SYT1: variants seen among roughly 807,000 people sequenced by gnomAD.
The protein encoded by SYT1 is synaptotagmin-1.
In SYT1, 8 loss-of-function variants were observed where a neutral mutation model predicts 44.8. The observed-to-expected ratio is 0.18, with a 90% confidence interval of 0.10 to 0.32. The LOEUF (loss-of-function observed/expected upper bound fraction) is 0.32, where lower values mean the gene tolerates loss of function less well. Ranked by LOEUF, SYT1 falls within the 10% of genes least tolerant of loss-of-function variation. SYT1 has a pLI of 1.00. For missense variants in SYT1, 286 were observed against 509.3 expected, an observed-to-expected ratio of 0.56 and a Z score of 4.22; for synonymous variants, 154 against 188.8, an observed-to-expected ratio of 0.82 and a Z score of 1.51.
At chr12:79,324,453 A>T (rs1445753320) in intron 8 of SYT1, among the ~76,000 whole-genome samples, 1 of 152,008 alleles carries the variant, frequency 6.6e-6, no homozygotes, top group Non-Finnish European at 1.5e-5. Context: ...TCTCCTCTTA[A>T]CACCTCTGCC....
At chr12:78,950,822 T>G (rs1878927669) in intron 1 of SYT1, among the ~76,000 whole-genome samples, 1 of 152,084 alleles carries the variant, frequency 6.6e-6, no homozygotes, top group African/African-American at 2.4e-5. Context: ...ATTGTGCTGT[T>G]CTGATTTTCA....
At chr12:79,101,727 C>CA (rs140863091) in intron 3 of SYT1, among the ~76,000 whole-genome samples, 17,033 of 151,926 alleles carry the variant, frequency 0.11, 1,024 homozygotes, top group African/African-American at 0.13. Flanking sequence ...GGCAACATGG[C>CA]AAAACCCCAT....
chr12:79,351,239 G>T (rs1261375414), intron 8 of SYT1, among the ~76,000 whole-genome samples: 4 of 152,038 alleles, frequency 2.6e-5, no homozygotes, highest in Non-Finnish European at 5.9e-5. Flanking sequence ...TTTTCAAACT[G>T]TACAAATACT....
chr12:79,380,060 C>A (rs979614130), intron 9 of SYT1, among the ~76,000 whole-genome samples: 2 of 152,062 alleles, frequency 1.3e-5, no homozygotes, highest in African/African-American at 2.4e-5. Context: ...TTTTTAGAAA[C>A]CTTCTTTTAG....
At position 79,204,238 on chromosome 12, in the gene SYT1, T is replaced by A. The variant is rs146859144; in HGVS notation, c.-17-13265T>A. Among the ~76,000 whole-genome samples, 246 of 152,368 alleles carry A rather than the reference T, an allele frequency of 1.6e-3. 3 individuals carry two copies. The highest frequency in any genetic ancestry group is 5.5e-3 in the African/African-American group (230 of 41,596). The stretch of plus-strand genomic sequence containing the variant: ...AGTATAGCTTAATAAATGTTAGATA[T>A]TTTTATTTATTGATATATTATTTCT... On this transcript the variant is annotated intron_variant, in intron 3 of 10. Coordinates refer to ENST00000261205, the MANE Select transcript of SYT1 (RefSeq NM_005639.3).
At chr12:78,931,237 AAGAAGGAAGGAAGGAAG>A (rs1565723471) in intron 1 of SYT1, among the ~76,000 whole-genome samples, 1 of 58,252 alleles carries the variant, frequency 1.7e-5, no homozygotes, top group African/African-American at 1.1e-4. Flanking sequence ...GAAAGAAAGA[AAGAAGGAAGGAAGGAAG>A]GAAGGAAGGA....
At chr12:79,031,535 T>C (rs1046228919) in intron 2 of SYT1, among the ~76,000 whole-genome samples, 5 of 151,140 alleles carry the variant, frequency 3.3e-5, no homozygotes, top group African/African-American at 1.2e-4. Flanking sequence ...GGCTTGAATA[T>C]CCCTAAATCA....
At chr12:79,255,671 A>G (rs754480708) in intron 4 of SYT1, among the ~76,000 whole-genome samples, 6 of 152,234 alleles carry the variant, frequency 3.9e-5, no homozygotes, top group Non-Finnish European at 8.8e-5. Context: ...AAGAATGTCT[A>G]TGTAACCAGG....
chr12:79,111,679 A>G (rs1020547361), intron 3 of SYT1, among the ~76,000 whole-genome samples: 2 of 151,910 alleles, frequency 1.3e-5, no homozygotes, highest in Non-Finnish European at 2.9e-5. Context: ...GAGTATTTAA[A>G]TAAGAAGAAA....
chr12:79,282,031 A>G (rs751132395), intron 4 of SYT1, among the ~76,000 whole-genome samples: 3 of 152,188 alleles, frequency 2.0e-5, no homozygotes, highest in Admixed American at 6.5e-5. Context: ...CTACAAAACC[A>G]GCAACAGAGA....
intron 2 of SYT1, among the ~76,000 whole-genome samples, chr12:79,015,398 A>G (rs907905145): frequency 2.0e-5 from 3 of 152,022 alleles, no homozygotes; most frequent in Admixed American, 6.6e-5. Flanking sequence ...CAACTTTTTT[A>G]TTTGTTTTTC....
intron 3 of SYT1, among the ~76,000 whole-genome samples, chr12:79,101,091 T>C (rs1470463922): frequency 2.0e-5 from 3 of 152,198 alleles, no homozygotes; most frequent in Admixed American, 6.5e-5. Flanking sequence ...GATCAGAATT[T>C]ATTTTGTTAG....
chr12:79,445,992 T>C (rs1045767214), intron 10 of SYT1, among the ~76,000 whole-genome samples: 100 of 31,456 alleles, frequency 3.2e-3, no homozygotes, highest in Non-Finnish European at 3.1e-3. Flanking sequence ...TCCAAAGACA[T>C]ATATATATAT....
intron 1 of SYT1, among the ~76,000 whole-genome samples, chr12:78,910,777 T>C (rs1172919371): frequency 6.6e-6 from 1 of 151,956 alleles, no homozygotes; most frequent in African/African-American, 2.4e-5. Flanking sequence ...CTTGACCTTA[T>C]CGAAGAATCT....
intron 1 of SYT1, among the ~76,000 whole-genome samples, chr12:78,952,185 G>A (rs895137407): frequency 1.3e-5 from 2 of 152,202 alleles, no homozygotes; most frequent in African/African-American, 4.8e-5. Context: ...AATACTCAGC[G>A]CTTCAGTTTG....
intron 9 of SYT1, among the ~76,000 whole-genome samples, chr12:79,362,736 C>T (rs1484742481): frequency 6.6e-6 from 1 of 152,082 alleles, no homozygotes; most frequent in African/African-American, 2.4e-5. Context: ...TTTATCACAT[C>T]CCACAATACT....
At chr12:78,880,308 T>G (rs923740387) in intron 1 of SYT1, among the ~76,000 whole-genome samples, 20 of 151,700 alleles carry the variant, frequency 1.3e-4, no homozygotes, top group Non-Finnish European at 2.8e-4. Flanking sequence ...TTTTGATTAC[T>G]TCTTCAAACC....
chr12:79,278,412 T>C (rs1184895333), intron 4 of SYT1, among the ~76,000 whole-genome samples: 1 of 152,042 alleles, frequency 6.6e-6, no homozygotes. Context: ...TTCTGAATGA[T>C]CTTTGGGTCA....
At chr12:79,074,072 T>C (rs2099663134) in intron 3 of SYT1, among the ~76,000 whole-genome samples, 1 of 152,224 alleles carries the variant, frequency 6.6e-6, no homozygotes, top group African/African-American at 2.4e-5. Context: ...TTCACACATT[T>C]TGCATTTTGC....
Sources: allele counts gnomAD v4.1 joint callset (sites outside exome capture counted in the v4.1 genomes callset), GRCh38; gene constraint gnomAD v4.1.1; transcripts MANE v1.5; gene names NCBI Gene and HGNC (gene_info 2026-07-23, HGNC 2026-07-21).